DIP2B: variants seen among roughly 807,000 people sequenced by gnomAD.
DIP2B encodes DIP2 acetate--CoA ligase B (putative), also known as disco-interacting protein 2 homolog B.
Under a neutral mutation model 198.0 loss-of-function variants are expected in DIP2B, and 76 were observed. The ratio of observed to expected loss-of-function variants is 0.38; its 90% CI spans 0.32 to 0.46. DIP2B has a LOEUF of 0.46. Among genes scored for constraint, DIP2B ranks in the 20% least tolerant of loss-of-function variants. DIP2B has a pLI of 0.99. For synonymous variants in DIP2B, 701 were observed against 739.1 expected, an observed-to-expected ratio of 0.95 and a Z score of 0.84; for missense variants, 1,559 against 1,978.4, an observed-to-expected ratio of 0.79 and a Z score of 4.02.
At chr12:50,721,438 T>C (rs1434683373) in intron 26 of DIP2B, 42 bp downstream of exon 26, 1 of 1,608,798 alleles carries the variant, frequency 6.2e-7, no homozygotes, top group Non-Finnish European at 8.5e-7. Flanking sequence ...GCTCCAATAC[T>C]AGACTGACTA....
At chr12:50,628,661 C>A (rs558952737) in intron 2 of DIP2B, among the ~76,000 whole-genome samples, 111 of 152,264 alleles carry the variant, frequency 7.3e-4, no homozygotes, top group African/African-American at 2.2e-3. Flanking sequence ...AAAGAATCCT[C>A]CATTTACTTG....
intron 2 of DIP2B, among the ~76,000 whole-genome samples, chr12:50,637,223 T>C (rs988796057): frequency 1.4e-4 from 21 of 152,214 alleles, no homozygotes; most frequent in Admixed American, 1.3e-4. Flanking sequence ...GAGATGGTAA[T>C]AGGCAAGAGC....
At chr12:50,600,724 A>T (rs1428925681) in intron 1 of DIP2B, among the ~76,000 whole-genome samples, 1 of 152,308 alleles carries the variant, frequency 6.6e-6, no homozygotes, top group South Asian at 2.1e-4. Flanking sequence ...GAGTGGGAGA[A>T]GTCTGATATT....
chr12:50,625,924 A>T, intron 1 of DIP2B, 52 bp from the exon 2 acceptor site: 1 of 1,573,070 alleles, frequency 6.4e-7, no homozygotes, highest in Non-Finnish European at 8.7e-7. Context: ...TACAGTGGAA[A>T]ACCACAGAGT....
intron 36 of DIP2B, among the ~76,000 whole-genome samples, chr12:50,739,863 T>G (rs2139606967): frequency 6.6e-6 from 1 of 152,342 alleles, no homozygotes; most frequent in South Asian, 2.1e-4. Flanking sequence ...AAACAGACTT[T>G]CAGTCCCTGC....
At chr12:50,599,969 C>T (rs1958921246) in intron 1 of DIP2B, among the ~76,000 whole-genome samples, 2 of 152,178 alleles carry the variant, frequency 1.3e-5, no homozygotes, top group Admixed American at 6.5e-5. Flanking sequence ...CATTCAACTG[C>T]TTCCATTTCC....
chr12:50,743,869 C>T lies in DIP2B; in HGVS notation c.4479-718C>T, dbSNP rs183540315. ...TGGTAAGGCCATCAGGAATCACTGT[C>T]GCCTTACTTTCTAGAGCCATATGGG... On this transcript the variant is annotated intron_variant, in intron 37 of 37. Coordinates refer to ENST00000301180, the MANE Select transcript of DIP2B (RefSeq NM_173602.3). Among the ~76,000 whole-genome samples, 69 of 152,310 alleles carry T rather than the reference C, an allele frequency of 4.5e-4. No homozygotes were observed. The East Asian group carries it at 0.011, about 25-fold the overall frequency.
chr12:50,510,343 A>G (rs919386577), intron 1 of DIP2B, among the ~76,000 whole-genome samples: 2 of 152,192 alleles, frequency 1.3e-5, no homozygotes, highest in African/African-American at 4.8e-5. Flanking sequence ...TGAAAAATTA[A>G]TCTTGTTTGA....
intron 23 of DIP2B, among the ~76,000 whole-genome samples, chr12:50,718,321 T>C (rs1939771945): frequency 6.6e-6 from 1 of 152,240 alleles, no homozygotes; most frequent in African/African-American, 2.4e-5. Flanking sequence ...GGTTCTATTA[T>C]GATTGGAGAA....
Position 50,625,955 on chromosome 12 carries a change from TTC to T in DIP2B, c.101-19_101-18del. ...AGAGTAAGAATAATGCATAACCTAT[TTC>T]TGTTTCTTGCTATTTTAGGGGACAT... On this transcript the variant is annotated intron_variant, in intron 1 of 37. Coordinates refer to ENST00000301180, the MANE Select transcript of DIP2B (RefSeq NM_173602.3). 1 of 1,611,600 alleles carries T rather than the reference TTC, an allele frequency of 6.2e-7. No homozygotes were observed. Among genetic ancestry groups the T allele is most frequent in the Non-Finnish European group, 8.5e-7 (1 of 1,178,000 alleles).
chr12:50,710,488 A>G (rs1592137933), intron 22 of DIP2B, among the ~76,000 whole-genome samples: 2 of 151,932 alleles, frequency 1.3e-5, no homozygotes, highest in East Asian at 3.9e-4. Flanking sequence ...CAATGGCACG[A>G]TCTTGACTCA....
At chr12:50,715,765 T>C (rs1939703062) in intron 23 of DIP2B, among the ~76,000 whole-genome samples, 3 of 152,228 alleles carry the variant, frequency 2.0e-5, no homozygotes, top group Admixed American at 2.0e-4. Context: ...TCTTACTTAT[T>C]ATCCTCCCAC....
At chr12:50,516,549 T>C (rs1294800398) in intron 1 of DIP2B, among the ~76,000 whole-genome samples, 1 of 152,092 alleles carries the variant, frequency 6.6e-6, no homozygotes, top group Non-Finnish European at 1.5e-5. Flanking sequence ...CCACTGTGCC[T>C]GGACCCCATC....
chr12:50,601,559 C>T (rs568277753), intron 1 of DIP2B, among the ~76,000 whole-genome samples: 1 of 152,190 alleles, frequency 6.6e-6, no homozygotes, highest in East Asian at 1.9e-4. Context: ...AGGATGGTCT[C>T]GATCTCCTGA....
In DIP2B at chr12:50,695,273, A is replaced by G; in HGVS notation, c.1726A>G (p.Met576Val). 5 of 1,612,986 alleles carry G rather than the reference A, an allele frequency of 3.1e-6. No individual in the cohort carries two copies. Among genetic ancestry groups the G allele is most frequent in the Non-Finnish European group, 4.2e-6 (5 of 1,179,552 alleles). ...TTCTTTCTTTGTTTTTCAGAATGTAATGAATAAGATGCACACAATCAGCGT... is the reference window on the plus strand; with the variant it reads ...TTCTTTCTTTGTTTTTCAGAATGTAGTGAATAAGATGCACACAATCAGCGT... The part of the protein sequence containing the change: ...GLWHGMFANV[M>V]NKMHTISVPY... The change falls in exon 15 of 38, where the codon ATG (methionine) becomes GTG (valine). Residue 576 changes from methionine to valine, a missense_variant. By Grantham distance (21) the Met-to-Val change is conservative. Coordinates refer to ENST00000301180, the MANE Select transcript of DIP2B (RefSeq NM_173602.3).
chr12:50,685,855 G>A lies in DIP2B; in HGVS notation c.1340G>A (p.Gly447Asp), dbSNP rs1300622140. ...TRKDAGGQQI[G>D]FLLGSCGIAL... is the part of the protein sequence containing the mutation. ...CAGGATGCTGGAGGTCAGCAGATTG[G>A]CTTCTTGCTAGGAAGCTGTGGTATT... is the stretch of plus-strand genomic sequence containing the variant. The change falls in exon 11 of 38, where the codon GGC becomes GAC. Residue 447 changes from glycine (G) to aspartate (D), a missense_variant. Physicochemically the swap from Gly to Asp is moderately conservative, Grantham distance 94 (BLOSUM62 -1). Coordinates refer to ENST00000301180, the MANE Select transcript of DIP2B (RefSeq NM_173602.3). 7.4e-6 allele frequency: 12 copies of A among 1,613,684 alleles called. No individual in the cohort carries two copies. Among genetic ancestry groups the A allele is most frequent in the Non-Finnish European group, 1.0e-5 (12 of 1,179,756 alleles).
intron 5 of DIP2B, 64 bp downstream of exon 5, chr12:50,671,462 A>G: frequency 6.5e-7 from 1 of 1,544,956 alleles, no homozygotes; most frequent in South Asian, 1.1e-5. Flanking sequence ...TATCCAGGAA[A>G]TAGTTTATGG....
rs1192503294 is a variant in DIP2B, at chr12:50,714,715, G to T, written c.2851+119G>T. ...AAGACTTTGGGAGGCCAAGGTGGGA[G>T]GGTCGTGTGAGCCCAGGAGCTCGAA... On this transcript the variant is annotated intron_variant, in intron 23 of 37. Transcript: ENST00000301180. The T allele has an allele frequency of 3.5e-5, 43 of 1,230,978 alleles. No individual in the cohort carries two copies. In the South Asian group the frequency reaches 4.1e-4, roughly 12 times the overall value. 76.3% of individuals were successfully genotyped at this position (1,230,978 alleles called of 1,614,324 possible). A position where few individuals can be genotyped will look rare whatever the true frequency, so the allele number is the denominator to read the frequency against.
At chr12:50,693,375 T>G (rs1565872992) in intron 14 of DIP2B, among the ~76,000 whole-genome samples, 1 of 152,116 alleles carries the variant, frequency 6.6e-6, no homozygotes, top group Non-Finnish European at 1.5e-5. Flanking sequence ...TAGGTAAGCT[T>G]TAGACATACA....
Sources: allele counts gnomAD v4.1 joint callset (sites outside exome capture counted in the v4.1 genomes callset), GRCh38; gene constraint gnomAD v4.1.1; transcripts MANE v1.5; gene names NCBI Gene and HGNC (gene_info 2026-07-23, HGNC 2026-07-21).